Variants in TSPAN33 observed in about 807,000 individuals in gnomAD.
The protein encoded by TSPAN33 is tetraspanin 33.
In TSPAN33, 27 loss-of-function variants were observed where a neutral mutation model predicts 34.8. The ratio of observed to expected loss-of-function variants is 0.78; its 90% CI spans 0.57 to 1.07. The LOEUF (loss-of-function observed/expected upper bound fraction) is 1.07. TSPAN33 is among the 50% of genes least tolerant of loss of function. The pLI, the probability that TSPAN33 is intolerant of heterozygous loss-of-function variation, is 0.00. For synonymous variants in TSPAN33, 119 were observed against 124.2 expected (o/e 0.96, Z 0.28); for missense variants, 272 against 324.9 (o/e 0.84, Z 1.25).
chr7:129,162,339 C>G (rs1411006945), intron 2 of TSPAN33, 55 bp from the exon 3 acceptor site: 1 of 1,601,312 alleles, frequency 6.2e-7, no homozygotes, highest in Non-Finnish European at 8.5e-7. Flanking sequence ...CCCACCCCAT[C>G]CAGGGGTTCC....
At chr7:129,162,305 AAGG>A (rs1193814420) in intron 2 of TSPAN33, 86 bp from the exon 3 acceptor site, 1 of 1,566,670 alleles carries the variant, frequency 6.4e-7, no homozygotes, top group African/African-American at 1.3e-5. Context: ...CCACCAGGGG[AAGG>A]AGAACAGTTT....
chr7:129,160,685 C>T (rs747496526), intron 1 of TSPAN33, among the ~76,000 whole-genome samples: 7 of 152,224 alleles, frequency 4.6e-5, no homozygotes, highest in African/African-American at 1.7e-4. Context: ...TACATACATG[C>T]ACTCACACAC....
intron 1 of TSPAN33, among the ~76,000 whole-genome samples, chr7:129,151,433 A>G (rs1215695968): frequency 6.6e-6 from 1 of 152,026 alleles, no homozygotes; most frequent in African/African-American, 2.4e-5. Flanking sequence ...CCTTGATCTT[A>G]AATGCAATCC....
intron 1 of TSPAN33, among the ~76,000 whole-genome samples, chr7:129,152,686 C>T (rs1439831104): frequency 6.8e-6 from 1 of 146,600 alleles, no homozygotes; most frequent in African/African-American, 2.5e-5. Context: ...GACTCCATCT[C>T]AAAAAACAAA....
chr7:129,162,280 A>G, intron 2 of TSPAN33, 114 bp from the exon 3 acceptor site: 2 of 1,508,936 alleles, frequency 1.3e-6, no homozygotes, highest in African/African-American at 1.4e-5. Context: ...TCATCCAACC[A>G]TAATGGAGAT....
At position 129,167,423 on chromosome 7, in the gene TSPAN33, C is replaced by G. The variant is rs1793159556; in HGVS notation, c.613C>G (p.Gln205Glu). The change falls in exon 7 of 8, where the codon CAA (glutamine) becomes GAA (glutamate). Residue 205 changes from glutamine to glutamate, a missense_variant. By Grantham distance (29) the Gln-to-Glu change is conservative. Coordinates refer to ENST00000486685, the MANE Select transcript of TSPAN33 (RefSeq NM_178562.5). This position sits in a 1 kb window ranked among gnomAD's most constrained non-coding sequence, Gnocchi z 4.6. ...DQAVINTMCG[Q>E]GMQAFDYLEA... ...GGCAGTGATCAACACTATGTGTGGC[C>G]AAGGTATGCAGGCCTTTGACTACTT... The G allele has an allele frequency of 6.2e-7, 1 of 1,613,938 alleles. No individual in the cohort carries two copies. Among genetic ancestry groups the G allele is most frequent in the African/African-American group, 1.3e-5 (1 of 74,932 alleles).
intron 3 of TSPAN33, 146 bp from the exon 4 acceptor site, chr7:129,162,687 C>A: frequency 1.4e-6 from 2 of 1,398,440 alleles, no homozygotes; most frequent in Admixed American, 1.8e-5. Context: ...GTGGCCACCC[C>A]CAAGACAGTG....
At chr7:129,161,886 C>A (rs1048978074) in intron 2 of TSPAN33, 150 bp downstream of exon 2, 6 of 832,300 alleles carry the variant, frequency 7.2e-6, no homozygotes, top group Non-Finnish European at 9.4e-6. Flanking sequence ...AGGTGTCAGA[C>A]CCCCCCAGGC....
chr7:129,155,888 ATTATTT>A (rs1260956337), intron 1 of TSPAN33, among the ~76,000 whole-genome samples: 1 of 151,708 alleles, frequency 6.6e-6, no homozygotes, highest in Non-Finnish European at 1.5e-5. Context: ...CCATACTCAG[ATTATTT>A]TTATTTTTAT....
Position 129,165,784 on chromosome 7 carries a change from C to T in TSPAN33, c.460-994C>T, listed in dbSNP as rs1793129690. ...AATTAGCCGGGTTTGGTGGCGCACA[C>T]CTGTAGTCCCAGCTACTCAGGAGGC... On this transcript the variant is annotated intron_variant, in intron 5 of 7. Coordinates refer to ENST00000486685, the MANE Select transcript of TSPAN33 (RefSeq NM_178562.5). This position sits in a 1 kb window ranked among gnomAD's most constrained non-coding sequence, Gnocchi z 4.5. Among the ~76,000 whole-genome samples, 1 of 152,100 alleles carries T rather than the reference C, an allele frequency of 6.6e-6. No individual in the cohort carries two copies. Among genetic ancestry groups the T allele is most frequent in the South Asian group, 2.1e-4 (1 of 4,830 alleles).
chr7:129,154,902 T>A (rs886573634), intron 1 of TSPAN33, among the ~76,000 whole-genome samples: 2 of 152,180 alleles, frequency 1.3e-5, no homozygotes, highest in African/African-American at 4.8e-5. Context: ...GCAATCCCAC[T>A]ACTGAGTGTT....
chr7:129,151,822 C>T (rs1207422421), intron 1 of TSPAN33, among the ~76,000 whole-genome samples: 1 of 152,054 alleles, frequency 6.6e-6, no homozygotes, highest in Non-Finnish European at 1.5e-5. Context: ...AGTATGCCTG[C>T]GTTGTTTTAT....
At chr7:129,156,736 T>C (rs1426705810) in intron 1 of TSPAN33, among the ~76,000 whole-genome samples, 1 of 152,194 alleles carries the variant, frequency 6.6e-6, no homozygotes, top group East Asian at 1.9e-4. Context: ...TTCGTGAGCA[T>C]TTCCTTTCTT....
intron 3 of TSPAN33, 151 bp from the exon 4 acceptor site, chr7:129,162,682 C>T: frequency 7.1e-7 from 1 of 1,401,360 alleles, no homozygotes; most frequent in Admixed American, 1.9e-5. Context: ...ACAGGGTGGC[C>T]ACCCCCAAGA....
Position 129,162,505 on chromosome 7 carries a change from T to A in TSPAN33, c.272T>A (p.Ile91Asn). ...CGCIGSLREN[I>N]CLLQTFSLCL... ...TGCATTGGGTCCCTCCGCGAGAACATCTGCCTCCTGCAGACGGTGAGTGGT... is the reference window on the plus strand; with the variant it reads ...TGCATTGGGTCCCTCCGCGAGAACAACTGCCTCCTGCAGACGGTGAGTGGT... Residue 91 changes from isoleucine to asparagine, a missense_variant, in exon 3 of 8, where the codon ATC becomes AAC. By Grantham distance (149) the Ile-to-Asn change is moderately radical. Transcript: ENST00000486685. The A allele has an allele frequency of 6.2e-7, 1 of 1,613,348 alleles. No homozygotes were observed. The highest frequency in any genetic ancestry group is 8.5e-7 in the Non-Finnish European group (1 of 1,180,012).
chr7:129,150,823 G>C (rs1357729133), intron 1 of TSPAN33, among the ~76,000 whole-genome samples: 1 of 152,112 alleles, frequency 6.6e-6, no homozygotes, highest in Non-Finnish European at 1.5e-5. Flanking sequence ...GAGGAGGAAA[G>C]AGAGTGGCAA....
chr7:129,150,921 A>G (rs577362296), intron 1 of TSPAN33, among the ~76,000 whole-genome samples: 7 of 152,214 alleles, frequency 4.6e-5, no homozygotes. Context: ...ACCAAAAACA[A>G]AGGAAGAAAA....
chr7:129,168,916 C>T lies in TSPAN33; in HGVS notation c.*1042C>T, dbSNP rs1356122997. ...CCTGCAGAGGACGGCACTGGAGACT[C>T]TCCTAAACGCCACACACCTCCCCCT... is the stretch of plus-strand genomic sequence containing the variant. On this transcript the variant is annotated 3_prime_UTR_variant, in exon 8 of 8. Transcript: ENST00000486685. The T allele has an allele frequency of 6.6e-6, 1 of 152,220 alleles. No homozygotes were observed. Among genetic ancestry groups the T allele is most frequent in the Non-Finnish European group, 1.5e-5 (1 of 68,092 alleles). 9.4% of individuals were successfully genotyped at this position (152,220 alleles called of 1,614,324 possible). A position where few individuals can be genotyped will look rare whatever the true frequency, so the allele number is the denominator to read the frequency against.
chr7:129,163,391 G>A (rs1170999391), intron 4 of TSPAN33, among the ~76,000 whole-genome samples: 3 of 141,728 alleles, frequency 2.1e-5, no homozygotes, highest in Admixed American at 7.6e-5. Flanking sequence ...AGTCTCACTA[G>A]GTTGCCAGGC....
Sources: gnomAD v4.1 joint callset for allele counts (sites outside exome capture counted in the v4.1 genomes callset) on GRCh38, gnomAD v4.1.1 for gene constraint, Gnocchi (gnomAD v3.1) non-coding constraint, MANE v1.5 for transcripts, NCBI Gene and HGNC (gene_info 2026-07-23, HGNC 2026-07-21) for gene names.